INTS3: variants seen among roughly 807,000 people sequenced by gnomAD.
INTS3 encodes SOSS complex subunit A.
A neutral mutation model predicts 146.3 loss-of-function variants in INTS3; 34 were observed. The observed-to-expected ratio is 0.23, with a 90% CI of 0.18 to 0.31. INTS3 has a LOEUF of 0.31. Among genes scored for constraint, INTS3 ranks in the 10% least tolerant of loss-of-function variants. The pLI is 1.00. For synonymous variants in INTS3, 475 were observed against 494.9 expected, an observed-to-expected ratio of 0.96 and a Z score of 0.53; for missense variants, 757 against 1,304.2, an observed-to-expected ratio of 0.58 and a Z score of 6.46.
At chr1:153,736,382 G>A (rs767742868) in intron 1 of INTS3, among the ~76,000 whole-genome samples, 20 of 152,022 alleles carry the variant, frequency 1.3e-4, no homozygotes, top group Non-Finnish European at 2.5e-4. Flanking sequence ...GCCACCTTAT[G>A]CTCTTACACA....
At chr1:153,769,948 T>G in intron 23 of INTS3, 104 bp downstream of exon 23, 1 of 875,962 alleles carries the variant, frequency 1.1e-6, no homozygotes, top group Non-Finnish European at 1.9e-6. Context: ...GCTGGGAAGT[T>G]AAGGGGAGAG....
In INTS3 at chr1:153,751,224, A is replaced by G. The variant is rs957928758; in HGVS notation, c.714A>G (p.Ser238=). The G allele has an allele frequency of 1.9e-6, 3 of 1,613,910 alleles. No individual in the cohort carries two copies. Among genetic ancestry groups the G allele is most frequent in the African/African-American group, 2.7e-5 (2 of 74,900 alleles). Residue 238 remains serine, a synonymous_variant, in exon 7 of 30, where the codon TCA becomes TCG. Transcript: ENST00000318967. ...LRQKEVDFCI[S]LLRERFMECL... ...AGAAGGAAGTAGACTTCTGCATCTCACTGCTTCGGGAACGGGTGAGGGAAC... is the reference window on the plus strand; with the variant it reads ...AGAAGGAAGTAGACTTCTGCATCTCGCTGCTTCGGGAACGGGTGAGGGAAC...
rs1240535754 is a variant in INTS3, at chr1:153,752,357, C to G, written c.808C>G (p.Leu270Val). Residue 270 changes from leucine (L) to valine (V), a missense_variant, in exon 8 of 30, where the codon CTT becomes GTT. Physicochemically the swap from Leu to Val is conservative, Grantham distance 32. Transcript: ENST00000318967. ...TGCTAGGATACCAGAATTTGAACTG[C>G]TTTGGAAAGATATTATCCATAATCC... ...NVARIPEFEL[L>V]WKDIIHNPQA... 6.2e-7 allele frequency: 1 copy of G among 1,613,482 alleles called. No homozygotes were observed. The highest frequency in any genetic ancestry group is 8.5e-7 in the Non-Finnish European group (1 of 1,179,776).
rs1157935242 is a variant in INTS3 at position 153,759,551 on chromosome 1, A to C, written c.1175A>C (p.Lys392Thr). 1 of 1,613,858 alleles carries C rather than the reference A, an allele frequency of 6.2e-7. No homozygotes were observed. The highest frequency in any genetic ancestry group is 2.2e-5 in the East Asian group (1 of 44,876). The change falls in exon 11 of 30, where the codon AAG (lysine) becomes ACG (threonine). Residue 392 changes from lysine to threonine, a missense_variant. Around this residue, in one of 8 missense-constraint regions of INTS3, gnomAD observed 35 missense variants for 122.2 expected, o/e 0.29. Transcript: ENST00000318967. ...TCAAATGTCGCTGCCTCCAATGCCA[A>C]GCTGGCTTTGTTTTATGACTGGCTG... ...CTSNVAASNAKLALFYDWLFF... is the reference protein window; with the variant it reads ...CTSNVAASNATLALFYDWLFF...
At chr1:153,751,330 T>C (rs1385486254) in intron 7 of INTS3, 91 bp downstream of exon 7, 1 of 1,289,474 alleles carries the variant, frequency 7.8e-7, no homozygotes, top group East Asian at 2.3e-5. Flanking sequence ...AAATACCTTG[T>C]TAGAGATGAA....
Position 153,764,959 on chromosome 1 carries a change from G to A in INTS3, c.1986G>A (p.Met662Ile). 1 of 1,614,106 alleles carries A rather than the reference G, an allele frequency of 6.2e-7. No individual in the cohort carries two copies. The highest frequency in any genetic ancestry group is 8.5e-7 in the Non-Finnish European group (1 of 1,179,978). ...CCACCTCCAGGAACCTATGTCAGAT[G>A]CAGGAAGACAACAGCAGCTTCTCTC... The part of the protein sequence containing the change: ...LYLIFRNLCQ[M>I]QEDNSSFSLL... Residue 662 changes from methionine (M) to isoleucine (I), a missense_variant, in exon 20 of 30, where the codon ATG becomes ATA. By Grantham distance (10) the Met-to-Ile change is conservative. Coordinates refer to ENST00000318967, the MANE Select transcript of INTS3 (RefSeq NM_023015.5).
rs1026725354 is a variant in INTS3 at position 153,773,881 on chromosome 1, A to G, written c.*611A>G. On this transcript the variant is annotated 3_prime_UTR_variant, in exon 30 of 30. Coordinates refer to ENST00000318967, the MANE Select transcript of INTS3 (RefSeq NM_023015.5). ...CACAGCCCCACGTGGTGTGCCCTGG[A>G]GGCTTAGGTTGGTCTGAGGTTGGCA... 4 of 166,834 alleles carry G rather than the reference A, an allele frequency of 2.4e-5. No homozygotes were observed. The highest frequency in any genetic ancestry group is 5.8e-5 in the Non-Finnish European group (4 of 68,416). 10.3% of individuals were successfully genotyped at this position (166,834 alleles called of 1,614,324 possible). A position where few individuals can be genotyped will look rare whatever the true frequency, so the allele number is the denominator to read the frequency against.
chr1:153,740,299 C>T (rs926217649), intron 1 of INTS3, among the ~76,000 whole-genome samples: 1 of 151,956 alleles, frequency 6.6e-6, no homozygotes, highest in Non-Finnish European at 1.5e-5. Flanking sequence ...GGGGTTTCAC[C>T]GTGTTGGCCA....
Position 153,771,981 on chromosome 1 carries a change from T to C in INTS3, c.2720+18T>C. The C allele has an allele frequency of 6.2e-7, 1 of 1,605,996 alleles. No individual in the cohort carries two copies. Among genetic ancestry groups the C allele is most frequent in the African/African-American group, 1.3e-5 (1 of 74,756 alleles). ...AGACAGAGGTGGGACACGGTCCCTGTCTACCCTCCAGGCCATGGCGGTCTG... is the reference window on the plus strand; with the variant it reads ...AGACAGAGGTGGGACACGGTCCCTGCCTACCCTCCAGGCCATGGCGGTCTG... On this transcript the variant is annotated intron_variant, in intron 26 of 29. Coordinates refer to ENST00000318967, the MANE Select transcript of INTS3 (RefSeq NM_023015.5).
intron 3 of INTS3, 117 bp from the exon 4 acceptor site, chr1:153,746,840 C>T (rs1557995334): frequency 1.4e-5 from 9 of 645,746 alleles, no homozygotes; most frequent in Admixed American, 2.7e-5. Flanking sequence ...CATTGCTACT[C>T]GGTGTCTTAT....
chr1:153,751,419 C>T (rs1357731333), intron 7 of INTS3, among the ~76,000 whole-genome samples, 180 bp downstream of exon 7: 1 of 152,026 alleles, frequency 6.6e-6, no homozygotes, highest in Non-Finnish European at 1.5e-5. Context: ...GTAAAATAGC[C>T]CTAATTCCTA....
chr1:153,739,127 G>C (rs1351042936), intron 1 of INTS3, among the ~76,000 whole-genome samples: 2 of 151,762 alleles, frequency 1.3e-5, no homozygotes, highest in Non-Finnish European at 2.9e-5. Context: ...GAAGTGGCAT[G>C]ATCTCGGTTC....
intron 11 of INTS3, 153 bp downstream of exon 11, chr1:153,759,766 C>T: frequency 1.6e-6 from 1 of 624,566 alleles, no homozygotes; most frequent in Non-Finnish European, 2.9e-6. Flanking sequence ...TTTCCCTTGA[C>T]CTAGAAAGAG....
intron 3 of INTS3, 71 bp from the exon 4 acceptor site, chr1:153,746,886 G>T (rs1671767331): frequency 1.2e-6 from 1 of 837,416 alleles, no homozygotes. Flanking sequence ...AGAGGGCAAG[G>T]GGTCCACTGT....
At chr1:153,763,776 C>G (rs1441654796) in intron 16 of INTS3, 56 bp from the exon 17 acceptor site, 9 of 1,454,642 alleles carry the variant, frequency 6.2e-6, no homozygotes, top group Non-Finnish European at 7.7e-6. Context: ...GGGTGTGTGT[C>G]CTGCCCTCTG....
In INTS3 at chr1:153,772,695, G is replaced by T; in HGVS notation, c.2878G>T (p.Glu960Ter). 6.2e-7 allele frequency: 1 copy of T among 1,613,942 alleles called. No individual in the cohort carries two copies. Among genetic ancestry groups the T allele is most frequent in the Non-Finnish European group, 8.5e-7 (1 of 1,179,892 alleles). The change falls in exon 28 of 30, where the codon GAA becomes TAA. Residue 960 changes from glutamate (E) to a stop codon, truncating the protein, a stop_gained. Coordinates refer to ENST00000318967, the MANE Select transcript of INTS3 (RefSeq NM_023015.5). LOFTEE classifies it high-confidence loss of function. The surrounding 1 kb of genome is among the most constrained non-coding windows in gnomAD (Gnocchi z 4.6). ...GCAGCATGTCCAAGCGAGCTGTGAC[G>T]AAGCCCACAAGATGAAGTGAGGCTC... is the stretch of plus-strand genomic sequence containing the variant. ...ALQHVQASCD[E>*]AHKMKFSDLF...
chr1:153,750,335 TTCTC>T (rs1282690344), intron 6 of INTS3, among the ~76,000 whole-genome samples: 4 of 152,238 alleles, frequency 2.6e-5, no homozygotes, highest in Non-Finnish European at 5.9e-5. Flanking sequence ...CACTGTGTCT[TTCTC>T]TCTACTCCTT....
intron 20 of INTS3, 67 bp downstream of exon 20, chr1:153,765,130 T>C: frequency 3.2e-6 from 5 of 1,564,926 alleles, no homozygotes; most frequent in Non-Finnish European, 4.4e-6. Context: ...TTCCACACGC[T>C]GACTCCCCAA....
At position 153,770,316 on chromosome 1, in the gene INTS3, G is replaced by A. The variant is rs975932808; in HGVS notation, c.2503+5G>A. 1.9e-6 allele frequency: 3 copies of A among 1,547,112 alleles called. No homozygotes were observed. In the African/African-American group the frequency reaches 4.1e-5, roughly 21 times the overall value. ...TGCAGCACCTCAAATACAAGGGTGA[G>A]TAGGCTTTTGGGTAGGGAGCACATC... On this transcript the variant is annotated splice_donor_5th_base_variant and intron_variant, in intron 24 of 29. Transcript: ENST00000318967.
Sources: allele counts gnomAD v4.1 joint callset (sites outside exome capture counted in the v4.1 genomes callset), GRCh38; gene constraint gnomAD v4.1.1; regional missense constraint gnomAD v4.1.1; non-coding constraint Gnocchi (gnomAD v3.1); transcripts MANE v1.5; gene names NCBI Gene and HGNC (gene_info 2026-07-23, HGNC 2026-07-21).